Variants in ITGB6 observed in about 807,000 individuals in gnomAD.
ITGB6 encodes integrin subunit beta 6.
ITGB6 carries 80 observed loss-of-function variants against 84.5 expected under a neutral mutation model. That is an observed-to-expected ratio of 0.95 (90% confidence interval 0.79 to 1.14). ITGB6 has a LOEUF of 1.14. ITGB6 is among the 50% of genes most tolerant of loss of function. The probability of loss-of-function intolerance (pLI) is 0.00; values close to 1 mark genes in which losing one functional copy is unlikely to be tolerated. For missense variants in ITGB6, 1,006 were observed against 968.0 expected (o/e 1.04, Z -0.52); for synonymous variants, 383 against 354.9 (o/e 1.08, Z -0.89).
At chr2:160,153,981 G>A (rs918629788) in intron 7 of ITGB6, among the ~76,000 whole-genome samples, 34 of 152,194 alleles carry the variant, frequency 2.2e-4, no homozygotes, top group African/African-American at 8.0e-4. Context: ...TTACACCGTT[G>A]GTGGGAGTGT....
Position 160,196,280 on chromosome 2 carries a change from T to G in ITGB6, c.282A>C (p.Arg94Ser). 6.2e-7 allele frequency: 1 copy of G among 1,614,132 alleles called. No individual in the cohort carries two copies. The highest frequency in any genetic ancestry group is 8.5e-7 in the Non-Finnish European group (1 of 1,179,994). The change falls in exon 3 of 15, where the codon AGA becomes AGC. Residue 94 changes from arginine (R) to serine (S), a missense_variant. Coordinates refer to ENST00000283249, the MANE Select transcript of ITGB6 (RefSeq NM_000888.5). The stretch of plus-strand genomic sequence containing the variant: ...GAACAATGTCAGAACTATTTTTCTG[T>G]CTGCCTACACTGAGAGGCTTATTTT... ...ILKNKPLSVGRQKNSSDIVQI... is the reference protein window; with the variant it reads ...ILKNKPLSVGSQKNSSDIVQI...
Position 160,196,234 on chromosome 2 carries a change from T to C in ITGB6, c.328A>G (p.Ile110Val). 1 of 1,614,010 alleles carries C rather than the reference T, an allele frequency of 6.2e-7. No homozygotes were observed. The highest frequency in any genetic ancestry group is 8.5e-7 in the Non-Finnish European group (1 of 1,179,918). Residue 110 changes from isoleucine to valine, a missense_variant, in exon 3 of 15, where the codon ATC (isoleucine) becomes GTC (valine). Transcript: ENST00000283249. ...AACATACCTGGTCTCAACTTAAGGA[T>C]CAAGCTTTGAGGCGCAATCTGAACA... ...DIVQIAPQSLILKLRPGGAQT... is the reference protein window; with the variant it reads ...DIVQIAPQSLVLKLRPGGAQT...
chr2:160,157,451 C>T (rs1182117186), intron 7 of ITGB6, among the ~76,000 whole-genome samples: 1 of 152,088 alleles, frequency 6.6e-6, no homozygotes, highest in Non-Finnish European at 1.5e-5. Context: ...ACTGTATAGC[C>T]ACGGTTCACT....
intron 4 of ITGB6, among the ~76,000 whole-genome samples, chr2:160,182,830 C>T (rs1032911026): frequency 1.3e-5 from 2 of 152,100 alleles, no homozygotes; most frequent in South Asian, 2.1e-4. Flanking sequence ...AGAGTAGGGG[C>T]CAATATTCAA....
intron 10 of ITGB6, 46 bp from the exon 11 acceptor site, chr2:160,126,647 G>T: frequency 6.4e-7 from 1 of 1,558,444 alleles, no homozygotes; most frequent in Non-Finnish European, 8.8e-7. Context: ...CAAAACACTT[G>T]CAGATTTGAG....
chr2:160,180,718 G>T (rs1272035252), intron 4 of ITGB6, among the ~76,000 whole-genome samples: 2 of 152,230 alleles, frequency 1.3e-5, no homozygotes, highest in Non-Finnish European at 2.9e-5. Flanking sequence ...AATAGGAACA[G>T]CTCCAGTATG....
Position 160,109,387 on chromosome 2 carries a change from C to T in ITGB6, c.2102-1542G>A, listed in dbSNP as rs575673774. On this transcript the variant is annotated intron_variant, in intron 13 of 14. Transcript: ENST00000283249. ...CCTGTGTCATGAGAATATATACTGG[C>T]TACATCTTTGGCTAAGAAATGCCTG... 2.0e-5 allele frequency among the ~76,000 whole-genome samples: 3 copies of T among 152,300 alleles called. No homozygotes were observed. In the South Asian group the frequency reaches 6.2e-4, roughly 32 times the overall value.
chr2:160,123,968 T>A, intron 11 of ITGB6, 80 bp from the exon 12 acceptor site: 1 of 959,148 alleles, frequency 1.0e-6, no homozygotes, highest in East Asian at 2.4e-5. Context: ...TTACTGCTGT[T>A]GTTGCAATTT....
intron 7 of ITGB6, among the ~76,000 whole-genome samples, chr2:160,162,655 G>A (rs144141160): frequency 9.9e-4 from 151 of 152,288 alleles, no homozygotes; most frequent in African/African-American, 3.5e-3. Context: ...TTTCACTCTT[G>A]TTGCCCAGGC....
At chr2:160,183,530 C>A (rs950736395) in intron 4 of ITGB6, among the ~76,000 whole-genome samples, 6 of 152,148 alleles carry the variant, frequency 3.9e-5, no homozygotes, top group Admixed American at 1.3e-4. Context: ...GACTCCCACA[C>A]AATAATAGTG....
intron 7 of ITGB6, among the ~76,000 whole-genome samples, chr2:160,153,419 C>A (rs897210419): frequency 3.9e-5 from 6 of 152,156 alleles, no homozygotes; most frequent in African/African-American, 1.4e-4. Flanking sequence ...CTTCCTTACA[C>A]CTTATACAAA....
At chr2:160,130,569 G>A (rs1683427498) in intron 10 of ITGB6, among the ~76,000 whole-genome samples, 1 of 151,976 alleles carries the variant, frequency 6.6e-6, no homozygotes, top group South Asian at 2.1e-4. Flanking sequence ...AATTTACCTG[G>A]ATTCATGATA....
At chr2:160,177,625 T>C (rs1010407734) in intron 4 of ITGB6, among the ~76,000 whole-genome samples, 3 of 152,130 alleles carry the variant, frequency 2.0e-5, no homozygotes, top group Non-Finnish European at 2.9e-5. Context: ...TTGTAGTTTG[T>C]CTTTTAATTT....
At chr2:160,181,095 T>C (rs1457080668) in intron 4 of ITGB6, among the ~76,000 whole-genome samples, 1 of 151,664 alleles carries the variant, frequency 6.6e-6, no homozygotes, top group Admixed American at 6.6e-5. Flanking sequence ...CTGCCGGAGT[T>C]TTTTTTCATA....
At chr2:160,127,647 A>G (rs868384432) in intron 10 of ITGB6, among the ~76,000 whole-genome samples, 41 of 152,372 alleles carry the variant, frequency 2.7e-4, no homozygotes, top group African/African-American at 9.6e-4. Flanking sequence ...GGCTCAGAAT[A>G]AATCTCTTCG....
intron 13 of ITGB6, among the ~76,000 whole-genome samples, chr2:160,109,918 A>G (rs574086558): frequency 1.3e-5 from 2 of 152,340 alleles, no homozygotes; most frequent in South Asian, 2.1e-4. Flanking sequence ...AAAAAAATGT[A>G]AAATATCTCA....
chr2:160,166,391 G>A (rs890086265), intron 7 of ITGB6, among the ~76,000 whole-genome samples: 1 of 152,110 alleles, frequency 6.6e-6, no homozygotes, highest in Non-Finnish European at 1.5e-5. Context: ...AATAGCTATA[G>A]GATATTTTAA....
chr2:160,166,379 T>G (rs1158729707), intron 7 of ITGB6, among the ~76,000 whole-genome samples: 1 of 152,230 alleles, frequency 6.6e-6, no homozygotes, highest in African/African-American at 2.4e-5. Context: ...GTAGATATTT[T>G]GAATAGCTAT....
At chr2:160,184,369 G>C (rs1444959192) in intron 4 of ITGB6, among the ~76,000 whole-genome samples, 3 of 152,152 alleles carry the variant, frequency 2.0e-5, no homozygotes, top group Non-Finnish European at 4.4e-5. Flanking sequence ...AAATAAACTA[G>C]AAAATCTAGA....
Sources: gnomAD v4.1 joint callset for allele counts (sites outside exome capture counted in the v4.1 genomes callset) on GRCh38, gnomAD v4.1.1 for gene constraint, MANE v1.5 for transcripts, NCBI Gene and HGNC (gene_info 2026-07-23, HGNC 2026-07-21) for gene names.